Variants in OR10G8 observed in about 807,000 individuals in gnomAD.
The protein encoded by OR10G8 is olfactory receptor family 10 subfamily G member 8, also known as olfactory receptor 10G8.
For missense variants in OR10G8, 386 were observed against 384.9 expected, an observed-to-expected ratio of 1.00 and a Z score of -0.02; for synonymous variants, 173 against 163.2, an observed-to-expected ratio of 1.06 and a Z score of -0.46.
At position 124,030,320 on chromosome 11, in the gene OR10G8, A is replaced by C. The variant is rs148074790; in HGVS notation, c.698A>C (p.Lys233Thr). ...CTGCGGATCCGCACCTCAGAGGGGA[A>C]GCACAGAGCCTTTCAGACCTGTGCC... ...SILRIRTSEG[K>T]HRAFQTCASH... Residue 233 changes from lysine to threonine, a missense_variant, in exon 2 of 2, where the codon AAG (lysine) becomes ACG (threonine). Coordinates refer to ENST00000641224, the MANE Select transcript of OR10G8 (RefSeq NM_001004464.2). 6.2e-7 allele frequency: 1 copy of C among 1,613,898 alleles called. No homozygotes were observed. The highest frequency in any genetic ancestry group is 1.3e-5 in the African/African-American group (1 of 74,930).
rs1864136020 is a variant in OR10G8 at position 124,029,679 on chromosome 11, A to G, written c.57A>G (p.Pro19=). Residue 19 remains proline (P), a synonymous_variant, in exon 2 of 2, where the codon CCA becomes CCG. Coordinates refer to ENST00000641224, the MANE Select transcript of OR10G8 (RefSeq NM_001004464.2). Reference sequence around the variant, plus strand: ...TCCTCATGGGCCTTCCCCATGCCCCAGCGCTGGACGCCCCCCTCTTTGGAG... The same window carrying G: ...TCCTCATGGGCCTTCCCCATGCCCCGGCGCTGGACGCCCCCCTCTTTGGAG... ...AFILMGLPHA[P]ALDAPLFGVF... 10 of 1,613,898 alleles carry G rather than the reference A, an allele frequency of 6.2e-6. No individual in the cohort carries two copies. In the East Asian group the frequency reaches 2.0e-4, roughly 32 times the overall value.
intron 1 of OR10G8, among the ~76,000 whole-genome samples, chr11:124,027,952 C>T (rs1297301047): frequency 1.3e-5 from 2 of 152,190 alleles, no homozygotes; most frequent in Non-Finnish European, 2.9e-5. Context: ...CTTCTCTTGA[C>T]ATCAAGGTGG....
intron 1 of OR10G8, among the ~76,000 whole-genome samples, chr11:124,027,860 A>G (rs1864119823): frequency 6.6e-6 from 1 of 152,174 alleles, no homozygotes; most frequent in African/African-American, 2.4e-5. Context: ...AGACTCCTGA[A>G]CTAAGACAAT....
In OR10G8 at chr11:124,030,248, G is replaced by A. The variant is rs772941494; in HGVS notation, c.626G>A (p.Cys209Tyr). 6 of 1,614,144 alleles carry A rather than the reference G, an allele frequency of 3.7e-6. No individual in the cohort carries two copies. Among genetic ancestry groups the A allele is most frequent in the Non-Finnish European group, 5.1e-6 (6 of 1,180,060 alleles). The part of the protein sequence containing the change: ...FVTVGIVASG[C>Y]FVLIVLSYVS... ...ACTGTTGGAATAGTGGCCTCGGGCT[G>A]CTTTGTCCTGATAGTGCTGTCCTAT... The change falls in exon 2 of 2, where the codon TGC becomes TAC. Residue 209 changes from cysteine to tyrosine, a missense_variant. Cys to Tyr is a radical substitution (Grantham distance 194). Transcript: ENST00000641224.
chr11:124,028,685 G>A (rs1377387321), intron 1 of OR10G8, among the ~76,000 whole-genome samples: 1 of 152,158 alleles, frequency 6.6e-6, no homozygotes. Context: ...TGAGGTAGGT[G>A]ATGTTAGTAA....
chr11:124,029,806 A>C lies in OR10G8; in HGVS notation c.184A>C (p.Thr62Pro). The C allele has an allele frequency of 6.2e-7, 1 of 1,614,030 alleles. No individual in the cohort carries two copies. The highest frequency in any genetic ancestry group is 8.5e-7 in the Non-Finnish European group (1 of 1,179,992). The change falls in exon 2 of 2, where the codon ACC (threonine) becomes CCC (proline). Residue 62 changes from threonine to proline, a missense_variant. Physicochemically the swap from Thr to Pro is conservative, Grantham distance 38. Coordinates refer to ENST00000641224, the MANE Select transcript of OR10G8 (RefSeq NM_001004464.2). ...HLHTTMYYFL[T>P]NLSFIDMWFS... ...CCACACCACCATGTACTACTTCCTC[A>C]CCAACCTGTCGTTCATTGACATGTG...
chr11:124,029,462 AAGG>A, intron 1 of OR10G8, 131 bp from the exon 2 acceptor site: 1 of 775,210 alleles, frequency 1.3e-6, no homozygotes, highest in Non-Finnish European at 2.1e-6. Flanking sequence ...TTAGTTTATG[AAGG>A]AAGCTTTGTT....
intron 1 of OR10G8, 88 bp from the exon 2 acceptor site, chr11:124,029,508 T>C (rs1329064050): frequency 8.4e-7 from 1 of 1,186,362 alleles, no homozygotes; most frequent in Non-Finnish European, 1.2e-6. Flanking sequence ...TCCAGAATTA[T>C]CTACCTGCTT....
rs960363313 is a variant in OR10G8 at position 124,029,883 on chromosome 11, TG to T, written c.263del (p.Gly88AlafsTer19). 3 of 1,614,054 alleles carry T rather than the reference TG, an allele frequency of 1.9e-6. No homozygotes were observed. The highest frequency in any genetic ancestry group is 2.5e-6 in the Non-Finnish European group (3 of 1,180,032). Reference sequence around the variant, plus strand: ...TGCTGATGACTTTGGTGTTCCCAAGTGGCAGGGCTATCTCCTTCCACAGCTG... The same window carrying T: ...TGCTGATGACTTTGGTGTTCCCAAGTGCAGGGCTATCTCCTTCCACAGCTG... Reference protein sequence around the residue: ...KLLMTLVFPSGRAISFHSCMA... With the variant: ...KLLMTLVFPSXRAISFHSCMA... On this transcript the variant is annotated frameshift_variant, in exon 2 of 2. Coordinates refer to ENST00000641224, the MANE Select transcript of OR10G8 (RefSeq NM_001004464.2). LOFTEE classifies it low-confidence loss of function (END_TRUNC).
chr11:124,029,489 C>T (rs1864133804), intron 1 of OR10G8, 107 bp from the exon 2 acceptor site: 1 of 1,042,738 alleles, frequency 9.6e-7, no homozygotes. Context: ...AAGCAAAGTC[C>T]ACAATAACTC....
rs767510329 is a variant in OR10G8 at position 124,029,747 on chromosome 11, T to C, written c.125T>C (p.Leu42Pro). The C allele has an allele frequency of 1.9e-6, 3 of 1,613,994 alleles. No homozygotes were observed. The highest frequency in any genetic ancestry group is 3.3e-5 in the Admixed American group (2 of 60,020). ...VYVLTVLGNL[L>P]ILLVIRVDSH... ...GTGCTCACTGTGCTGGGGAACCTCC[T>C]CATCCTGCTGGTGATCAGGGTGGAT... is the stretch of plus-strand genomic sequence containing the variant. Residue 42 changes from leucine (L) to proline (P), a missense_variant, in exon 2 of 2, where the codon CTC becomes CCC. Leu to Pro is a moderately conservative substitution (Grantham distance 98). Coordinates refer to ENST00000641224, the MANE Select transcript of OR10G8 (RefSeq NM_001004464.2).
At chr11:124,027,402 G>A (rs907028946) in intron 1 of OR10G8, among the ~76,000 whole-genome samples, 2 of 152,134 alleles carry the variant, frequency 1.3e-5, no homozygotes, top group African/African-American at 4.8e-5. Flanking sequence ...AAATCAGTTA[G>A]ATACATAGAT....
At chr11:124,028,296 T>C (rs770396211) in intron 1 of OR10G8, among the ~76,000 whole-genome samples, 21 of 152,314 alleles carry the variant, frequency 1.4e-4, no homozygotes, top group Non-Finnish European at 2.5e-4. Context: ...GGGACAGTTA[T>C]GCATGAACCT....
chr11:124,030,472 C>A lies in OR10G8; in HGVS notation c.850C>A (p.Pro284Thr), dbSNP rs778285239. Residue 284 changes from proline (P) to threonine (T), a missense_variant, in exon 2 of 2, where the codon CCT becomes ACT. Physicochemically the swap from Pro to Thr is conservative, Grantham distance 38. Coordinates refer to ENST00000641224, the MANE Select transcript of OR10G8 (RefSeq NM_001004464.2). ...CACTGTGCTGACGCCCCTTCTCAACCCTGTTGTGTACACCCTGAGGAACAA... is the reference window on the plus strand; with the variant it reads ...CACTGTGCTGACGCCCCTTCTCAACACTGTTGTGTACACCCTGAGGAACAA... ...FYTVLTPLLN[P>T]VVYTLRNKEV... The A allele has an allele frequency of 2.5e-6, 4 of 1,614,122 alleles. No homozygotes were observed. The highest frequency in any genetic ancestry group is 2.7e-5 in the African/African-American group (2 of 75,036).
In OR10G8 at chr11:124,030,045, T is replaced by C. The variant is rs375042731; in HGVS notation, c.423T>C (p.Thr141=). 1.7e-4 allele frequency: 281 copies of C among 1,614,098 alleles called. No homozygotes were observed. Among genetic ancestry groups the C allele is most frequent in the Middle Eastern group, 8.3e-4 (5 of 6,058 alleles). Residue 141 remains threonine (T), a synonymous_variant, in exon 2 of 2, where the codon ACT becomes ACC. Coordinates refer to ENST00000641224, the MANE Select transcript of OR10G8 (RefSeq NM_001004464.2). ...YTSMMTGRSC[T]LLATSTWLSG... ...GCATGATGACTGGGCGCTCGTGTAC[T>C]CTTCTGGCCACCAGCACTTGGCTCA...
In OR10G8 at chr11:124,030,233, T is replaced by G. The variant is rs769184550; in HGVS notation, c.611T>G (p.Ile204Arg). 6.2e-7 allele frequency: 1 copy of G among 1,614,116 alleles called. No homozygotes were observed. Among genetic ancestry groups the G allele is most frequent in the African/African-American group, 1.3e-5 (1 of 74,936 alleles). Reference protein sequence around the residue: ...IETVIFVTVGIVASGCFVLIV... With the variant: ...IETVIFVTVGRVASGCFVLIV... ...ACTGTCATTTTTGTGACTGTTGGAA[T>G]AGTGGCCTCGGGCTGCTTTGTCCTG... The change falls in exon 2 of 2, where the codon ATA becomes AGA. Residue 204 changes from isoleucine to arginine, a missense_variant. Ile to Arg is a moderately conservative substitution (Grantham distance 97, BLOSUM62 -3). Transcript: ENST00000641224.
At chr11:124,029,519 G>C in intron 1 of OR10G8, 77 bp from the exon 2 acceptor site, 1 of 1,279,570 alleles carries the variant, frequency 7.8e-7, no homozygotes, top group Non-Finnish European at 1.1e-6. Flanking sequence ...CTACCTGCTT[G>C]ATGCAGTTTC....
chr11:124,027,699 T>C (rs1864118409), intron 1 of OR10G8, among the ~76,000 whole-genome samples: 1 of 152,200 alleles, frequency 6.6e-6, no homozygotes, highest in African/African-American at 2.4e-5. Flanking sequence ...CTTTCTGCTA[T>C]TTATTTACAT....
intron 1 of OR10G8, among the ~76,000 whole-genome samples, chr11:124,029,320 T>G (rs914951472): frequency 6.6e-6 from 1 of 152,092 alleles, no homozygotes; most frequent in Non-Finnish European, 1.5e-5. Context: ...AATTTGCATG[T>G]TTTAAGCCAG....
Sources: allele counts gnomAD v4.1 joint callset (sites outside exome capture counted in the v4.1 genomes callset), GRCh38; gene constraint gnomAD v4.1.1; transcripts MANE v1.5; gene names NCBI Gene and HGNC (gene_info 2026-07-23, HGNC 2026-07-21).